Variants in KDM2A observed in about 807,000 individuals in gnomAD.
The protein encoded by KDM2A is lysine demethylase 2A.
Under a neutral mutation model 137.3 loss-of-function variants are expected in KDM2A, and 3 were observed. The observed-to-expected ratio is 0.02, with a 90% confidence interval of 0.01 to 0.06. The LOEUF is 0.06. Ranked by LOEUF, KDM2A falls within the 10% of genes least tolerant of loss-of-function variation. The pLI is 1.00. For missense variants in KDM2A, 738 were observed against 1,510.6 expected, an observed-to-expected ratio of 0.49 and a Z score of 8.48; for synonymous variants, 512 against 541.5, an observed-to-expected ratio of 0.95 and a Z score of 0.76.
At chr11:67,157,355 A>G (rs946752682) in intron 2 of KDM2A, among the ~76,000 whole-genome samples, 4 of 151,716 alleles carry the variant, frequency 2.6e-5, no homozygotes, top group Admixed American at 1.3e-4. Flanking sequence ...ACAGTTGGCA[A>G]ATTTTGAATA....
intron 11 of KDM2A, among the ~76,000 whole-genome samples, chr11:67,230,442 A>G (rs1176964468): frequency 6.6e-6 from 1 of 152,216 alleles, no homozygotes; most frequent in Non-Finnish European, 1.5e-5. Flanking sequence ...AGCCTGGGCA[A>G]CATGACCAGA....
chr11:67,129,691 G>A (rs993192388), intron 2 of KDM2A, among the ~76,000 whole-genome samples: 4 of 146,906 alleles, frequency 2.7e-5, no homozygotes, highest in African/African-American at 7.6e-5. Context: ...CCCAGATCAC[G>A]CCACTGCACT....
rs773239947 is a variant in KDM2A, at chr11:67,231,670, G to T, written c.1189G>T (p.Ala397Ser). Residue 397 changes from alanine (A) to serine (S), a missense_variant, in exon 12 of 21, where the codon GCG becomes TCG. Around this residue, in one of 9 missense-constraint regions of KDM2A, gnomAD observed 113 missense variants for 133.5 expected, o/e 0.85. Coordinates refer to ENST00000529006, the MANE Select transcript of KDM2A (RefSeq NM_012308.3). ...GCGTTCTGTCCTCACTAGCCCTGTAGCGAATGGAGTCAACCTGGATTATGA... is the reference window on the plus strand; with the variant it reads ...GCGTTCTGTCCTCACTAGCCCTGTATCGAATGGAGTCAACCTGGATTATGA... ...SRRSVLTSPV[A>S]NGVNLDYDGL... 1 of 1,613,890 alleles carries T rather than the reference G, an allele frequency of 6.2e-7. No individual in the cohort carries two copies. The highest frequency in any genetic ancestry group is 8.5e-7 in the Non-Finnish European group (1 of 1,179,846).
chr11:67,224,828 ATTTTTTTTTTTTT>A (rs764581976), intron 10 of KDM2A, among the ~76,000 whole-genome samples: 7 of 66,292 alleles, frequency 1.1e-4, no homozygotes, highest in East Asian at 5.3e-4. Context: ...CAGCTGCAGC[ATTTTTTTTTTTTT>A]TTTTTTTTTT....
intron 5 of KDM2A, among the ~76,000 whole-genome samples, chr11:67,182,865 G>C (rs1857121610): frequency 6.6e-6 from 1 of 152,176 alleles, no homozygotes; most frequent in African/African-American, 2.4e-5. Context: ...CGTCCAATAG[G>C]ACTTAAAACA....
intron 6 of KDM2A, among the ~76,000 whole-genome samples, chr11:67,214,886 G>A (rs1253444162): frequency 1.3e-5 from 2 of 152,156 alleles, no homozygotes; most frequent in African/African-American, 2.4e-5. Context: ...TCAATGCAAG[G>A]CTATAAATCT....
intron 10 of KDM2A, among the ~76,000 whole-genome samples, chr11:67,221,580 G>A (rs1446247733): frequency 6.6e-6 from 1 of 152,118 alleles, no homozygotes; most frequent in Non-Finnish European, 1.5e-5. Context: ...TATTGTTGGA[G>A]TTACAGGAAT....
chr11:67,225,028 G>A lies in KDM2A; in HGVS notation c.958-3009G>A, dbSNP rs543985491. On this transcript the variant is annotated intron_variant, in intron 10 of 20. Transcript: ENST00000529006. ...ATTTTTGTATTTCTAGTAGAGACGG[G>A]GTTTCAGCAGGCTGGTCTCGAACTC... Among the ~76,000 whole-genome samples the A allele has an allele frequency of 1.6e-4, 24 of 151,228 alleles. No individual in the cohort carries two copies. In the East Asian group the frequency reaches 3.7e-3, roughly 24 times the overall value.
At chr11:67,147,780 C>T (rs1053360346) in intron 2 of KDM2A, among the ~76,000 whole-genome samples, 1 of 151,370 alleles carries the variant, frequency 6.6e-6, no homozygotes, top group Admixed American at 6.6e-5. Flanking sequence ...TGGGTTCAAG[C>T]GATTCTCCAG....
intron 2 of KDM2A, among the ~76,000 whole-genome samples, chr11:67,141,676 AAAAAAAATATAT>A (rs1856101947): frequency 1.3e-5 from 1 of 76,544 alleles, no homozygotes; most frequent in Non-Finnish European, 2.3e-5. Context: ...AAAAAAAAAA[AAAAAAAATATAT>A]ATATATATAT....
intron 3 of KDM2A, among the ~76,000 whole-genome samples, chr11:67,180,882 G>T (rs766085722): frequency 6.6e-5 from 10 of 150,604 alleles, no homozygotes; most frequent in Non-Finnish European, 1.5e-4. Context: ...GGCTGGTCTC[G>T]AACTCCTGAC....
intron 12 of KDM2A, among the ~76,000 whole-genome samples, chr11:67,242,516 GCAATAATAAAGTTT>G (rs1357988476): frequency 6.6e-6 from 1 of 152,184 alleles, no homozygotes; most frequent in Non-Finnish European, 1.5e-5. Flanking sequence ...AAGTGAAGAA[GCAATAATAAAGTTT>G]TACTGTCATA....
At chr11:67,251,356 G>A (rs943902790) in intron 17 of KDM2A, among the ~76,000 whole-genome samples, 1 of 152,176 alleles carries the variant, frequency 6.6e-6, no homozygotes, top group African/African-American at 2.4e-5. Context: ...AGCAAGCAGA[G>A]TCCAGTTTTG....
At chr11:67,211,662 T>G (rs1857992651) in intron 6 of KDM2A, among the ~76,000 whole-genome samples, 1 of 148,152 alleles carries the variant, frequency 6.7e-6, no homozygotes, top group African/African-American at 2.5e-5. Flanking sequence ...TAATAGCCTA[T>G]TAGTAGTTCT....
chr11:67,134,925 C>G (rs909899211), intron 2 of KDM2A, among the ~76,000 whole-genome samples: 6 of 152,214 alleles, frequency 3.9e-5, no homozygotes, highest in African/African-American at 1.4e-4. Flanking sequence ...TTTCACAAAA[C>G]TAACTTCATG....
chr11:67,192,513 T>G (rs896085877), intron 5 of KDM2A, among the ~76,000 whole-genome samples: 1 of 145,746 alleles, frequency 6.9e-6, no homozygotes, highest in Non-Finnish European at 1.5e-5. Flanking sequence ...GGCGTGATCT[T>G]GGCTCACTGC....
chr11:67,211,643 A>G (rs1460995328), intron 6 of KDM2A, among the ~76,000 whole-genome samples: 1 of 148,592 alleles, frequency 6.7e-6, no homozygotes, highest in African/African-American at 2.5e-5. Flanking sequence ...AAAAAAAAGA[A>G]TATATATATA....
chr11:67,178,494 A>G (rs1018294978), intron 2 of KDM2A, among the ~76,000 whole-genome samples: 1 of 152,070 alleles, frequency 6.6e-6, no homozygotes, highest in African/African-American at 2.4e-5. Context: ...ATTCCAGAAC[A>G]TTTTCATTGC....
chr11:67,245,664 C>G lies in KDM2A; in HGVS notation c.1833+206C>G. ...ATCCGATTTAATCTTTAGGCTTTAC[C>G]TAATTTTCAAACAAGAGATTAGCAT... On this transcript the variant is annotated intron_variant, in intron 14 of 20. Coordinates refer to ENST00000529006, the MANE Select transcript of KDM2A (RefSeq NM_012308.3). The surrounding 1 kb of genome is among the most constrained non-coding windows in gnomAD (Gnocchi z 4.1). 3.2e-6 allele frequency: 2 copies of G among 631,730 alleles called. No individual in the cohort carries two copies. The highest frequency in any genetic ancestry group is 2.1e-5 in the South Asian group (1 of 47,066). 39.1% of individuals were successfully genotyped at this position (631,730 alleles called of 1,614,324 possible).
Sources: gnomAD v4.1 joint callset for allele counts (sites outside exome capture counted in the v4.1 genomes callset) on GRCh38, gnomAD v4.1.1 for gene constraint, gnomAD v4.1.1 regional missense constraint, Gnocchi (gnomAD v3.1) non-coding constraint, MANE v1.5 for transcripts, NCBI Gene and HGNC (gene_info 2026-07-23, HGNC 2026-07-21) for gene names.